The following TPRG1 variants were observed in gnomAD, a reference collection of about 807,000 sequenced individuals.
The protein encoded by TPRG1 is tumor protein p63-regulated gene 1 protein.
A neutral mutation model predicts 29.3 loss-of-function variants in TPRG1; 29 were observed. That is an observed-to-expected ratio of 0.99 (90% CI 0.74 to 1.35). The LOEUF (loss-of-function observed/expected upper bound fraction) is 1.35. Among genes scored for constraint, TPRG1 ranks in the 40% most tolerant of loss-of-function variants. The pLI is 0.00. For missense variants in TPRG1, 327 were observed against 335.0 expected (o/e 0.98, Z 0.19); for synonymous variants, 130 against 116.8 (o/e 1.11, Z -0.73).
At chr3:189,317,953 G>C (rs1171856214) in intron 5 of TPRG1, among the ~76,000 whole-genome samples, 1 of 152,078 alleles carries the variant, frequency 6.6e-6, no homozygotes, top group Admixed American at 6.6e-5. Flanking sequence ...AGGAGCTACT[G>C]CCTCTTCTTA....
chr3:189,143,313 A>G (rs909245056), intron 3 of TPRG1, among the ~76,000 whole-genome samples: 5 of 152,216 alleles, frequency 3.3e-5, no homozygotes, highest in African/African-American at 1.2e-4. Context: ...ATTTCTCCGA[A>G]TGACATCTAT....
chr3:189,131,582 AAGAATGCTCAGTC>A (rs1723116189), intron 2 of TPRG1, among the ~76,000 whole-genome samples: 1 of 152,204 alleles, frequency 6.6e-6, no homozygotes, highest in Non-Finnish European at 1.5e-5. Flanking sequence ...TCAACTTTCT[AAGAATGCTCAGTC>A]AATAAACGAA....
chr3:189,119,516 C>T (rs1441329099), intron 1 of TPRG1, among the ~76,000 whole-genome samples: 1 of 152,162 alleles, frequency 6.6e-6, no homozygotes, highest in Non-Finnish European at 1.5e-5. Flanking sequence ...TGGTTTGGCT[C>T]TGTTTCCCCA....
At chr3:189,097,626 T>C (rs1718767457), upstream of TPRG1, among the ~76,000 whole-genome samples, 1 of 152,224 alleles carries the variant, frequency 6.6e-6, no homozygotes, top group African/African-American at 2.4e-5. Flanking sequence ...TTAAAGCAAA[T>C]TAAAGAGAAA....
chr3:189,138,806 T>C (rs903520007), intron 3 of TPRG1, among the ~76,000 whole-genome samples: 1 of 152,114 alleles, frequency 6.6e-6, no homozygotes, highest in South Asian at 2.1e-4. Context: ...CATGAGGGCT[T>C]TATGCATATA....
chr3:189,061,269 TCCA>T (rs1716086590), intron 4 of TPRG1, among the ~76,000 whole-genome samples: 1 of 152,170 alleles, frequency 6.6e-6, no homozygotes, highest in Non-Finnish European at 1.5e-5. Context: ...CTGGACTCCT[TCCA>T]CCATATACAA....
chr3:189,173,530 G>A (rs531041869), intron 1 of TPRG1, among the ~76,000 whole-genome samples: 1 of 151,598 alleles, frequency 6.6e-6, no homozygotes, highest in Non-Finnish European at 1.5e-5. Context: ...AGTAGAGACG[G>A]GGTTTCACCA....
intron 5 of TPRG1, among the ~76,000 whole-genome samples, chr3:189,315,213 A>C (rs1394548186): frequency 6.6e-6 from 1 of 152,048 alleles, no homozygotes; most frequent in East Asian, 1.9e-4. Context: ...GAAATCATAT[A>C]ATAATAGTTC....
intron 1 of TPRG1, among the ~76,000 whole-genome samples, chr3:189,200,207 C>T (rs1235389541): frequency 2.6e-5 from 4 of 152,172 alleles, no homozygotes; most frequent in Non-Finnish European, 5.9e-5. Context: ...TCAACTTTCC[C>T]CCAGGACACA....
intron 1 of TPRG1, among the ~76,000 whole-genome samples, chr3:189,113,920 AT>A (rs1720865134): frequency 8.5e-6 from 1 of 118,074 alleles, no homozygotes; most frequent in Admixed American, 8.4e-5. Context: ...AAGTATAATA[AT>A]AATAAAATAA....
intron 1 of TPRG1, among the ~76,000 whole-genome samples, chr3:189,179,194 C>A (rs551054617): frequency 1.3e-5 from 2 of 152,278 alleles, no homozygotes; most frequent in East Asian, 3.9e-4. Context: ...AAGATTCTTT[C>A]TTTTTACATG....
At chr3:189,263,399 A>G (rs1376100307) in intron 4 of TPRG1, among the ~76,000 whole-genome samples, 1 of 152,212 alleles carries the variant, frequency 6.6e-6, no homozygotes, top group Non-Finnish European at 1.5e-5. Flanking sequence ...GGCCAGCACA[A>G]CTTGGACCTG....
intron 5 of TPRG1, among the ~76,000 whole-genome samples, chr3:189,156,674 A>G (rs986651214): frequency 6.6e-6 from 1 of 152,210 alleles, no homozygotes; most frequent in African/African-American, 2.4e-5. Flanking sequence ...TGGTCAGATG[A>G]GTATGTCCAC....
chr3:189,162,652 A>G (rs1248884535), intron 5 of TPRG1, among the ~76,000 whole-genome samples: 1 of 152,184 alleles, frequency 6.6e-6, no homozygotes, highest in Non-Finnish European at 1.5e-5. Flanking sequence ...GAAAGACAGC[A>G]TTTCATGTTC....
chr3:189,024,641 A>G (rs767241394), intron 4 of TPRG1, among the ~76,000 whole-genome samples: 9 of 152,150 alleles, frequency 5.9e-5, no homozygotes, highest in Non-Finnish European at 1.2e-4. Flanking sequence ...GAGCTGTCCA[A>G]ACAACAATGA....
chr3:189,206,459 T>C (rs1351780692), intron 1 of TPRG1, among the ~76,000 whole-genome samples: 1 of 151,728 alleles, frequency 6.6e-6, no homozygotes, highest in Admixed American at 6.6e-5. Flanking sequence ...ATATATAACC[T>C]GGTATATTTT....
At chr3:189,049,743 A>G (rs969664750) in intron 4 of TPRG1, among the ~76,000 whole-genome samples, 3 of 152,204 alleles carry the variant, frequency 2.0e-5, no homozygotes, top group African/African-American at 7.2e-5. Context: ...TAGGGAGTCC[A>G]CTGCACCTTC....
chr3:189,208,215 A>G (rs1453856112), intron 2 of TPRG1, among the ~76,000 whole-genome samples: 1 of 152,166 alleles, frequency 6.6e-6, no homozygotes, highest in African/African-American at 2.4e-5. Flanking sequence ...CATTTGATTC[A>G]AGTGGAGAGT....
chr3:189,315,141 A>T (rs1723279956), intron 5 of TPRG1, among the ~76,000 whole-genome samples: 1 of 152,112 alleles, frequency 6.6e-6, no homozygotes, highest in Admixed American at 6.6e-5. Context: ...CCTAGATGAC[A>T]GAGCAAGATT....
Sources: allele counts gnomAD v4.1 joint callset (sites outside exome capture counted in the v4.1 genomes callset), GRCh38; gene constraint gnomAD v4.1.1; transcripts MANE v1.5; gene names NCBI Gene and HGNC (gene_info 2026-07-23, HGNC 2026-07-21).